Variants in USP38 observed in about 807,000 individuals in gnomAD.
USP38 encodes the protein ubiquitin carboxyl-terminal hydrolase 38.
Under a neutral mutation model 94.3 loss-of-function variants are expected in USP38, and 49 were observed. That is an observed-to-expected ratio of 0.52 (90% CI 0.41 to 0.66). The LOEUF (loss-of-function observed/expected upper bound fraction) is 0.66. Ranked by LOEUF, USP38 falls within the 30% of genes least tolerant of loss-of-function variation. The probability of loss-of-function intolerance (pLI) is 0.00; values close to 1 mark genes in which losing one functional copy is unlikely to be tolerated. For missense variants in USP38, 1,128 were observed against 1,229.4 expected, an observed-to-expected ratio of 0.92 and a Z score of 1.23; for synonymous variants, 468 against 463.6, an observed-to-expected ratio of 1.01 and a Z score of -0.12.
chr4:143,195,751 A>T lies in USP38; in HGVS notation c.854A>T (p.His285Leu). The T allele has an allele frequency of 6.2e-7, 1 of 1,612,344 alleles. No homozygotes were observed. Among genetic ancestry groups the T allele is most frequent in the South Asian group, 1.1e-5 (1 of 90,600 alleles). The stretch of plus-strand genomic sequence containing the variant: ...TGGCTATCCTGGCCATTGGCTCAGC[A>T]TGTGGATACATGGGTAATTGCACTC... The part of the protein sequence containing the change: ...IDWLSWPLAQ[H>L]VDTWVIALLK... Residue 285 changes from histidine (H) to leucine (L), a missense_variant, in exon 3 of 10, where the codon CAT (histidine) becomes CTT (leucine). Physicochemically the swap from His to Leu is moderately conservative, Grantham distance 99. Coordinates refer to ENST00000307017, the MANE Select transcript of USP38 (RefSeq NM_032557.6).
intron 4 of USP38, among the ~76,000 whole-genome samples, chr4:143,202,454 C>T (rs1411143131): frequency 6.6e-6 from 1 of 151,862 alleles, no homozygotes; most frequent in African/African-American, 2.4e-5. Flanking sequence ...GAGTTAGCAA[C>T]CCCAAAATGT....
intron 7 of USP38, 90 bp from the exon 8 acceptor site, chr4:143,212,228 C>A: frequency 1.0e-6 from 1 of 1,004,864 alleles, no homozygotes. Context: ...CTGTAAATAA[C>A]CTTTATTAAA....
chr4:143,206,100 C>G lies in USP38; in HGVS notation c.1277C>G (p.Ser426Cys). The change falls in exon 6 of 10, where the codon TCC becomes TGC. Residue 426 changes from serine to cysteine, a missense_variant. Physicochemically the swap from Ser to Cys is moderately radical, Grantham distance 112 (BLOSUM62 -1). Coordinates refer to ENST00000307017, the MANE Select transcript of USP38 (RefSeq NM_032557.6). ...ILNQSAWTSQ[S>C]NSLASCLSRL... ...AATCAAAGTGCCTGGACTTCTCAAT[C>G]CAATTCTTTGGCGTCTTGCTTGTCT... The G allele has an allele frequency of 6.2e-7, 1 of 1,613,692 alleles. No individual in the cohort carries two copies. The highest frequency in any genetic ancestry group is 8.5e-7 in the Non-Finnish European group (1 of 1,179,862).
chr4:143,223,184 T>G lies in USP38; in HGVS notation c.*2728T>G, dbSNP rs937849427. The G allele has an allele frequency of 5.3e-5, 8 of 152,114 alleles. No individual in the cohort carries two copies. The highest frequency in any genetic ancestry group is 1.9e-4 in the African/African-American group (8 of 41,456). 9.4% of individuals were successfully genotyped at this position (152,114 alleles called of 1,614,324 possible). A position where few individuals can be genotyped will look rare whatever the true frequency, so the allele number is the denominator to read the frequency against. ...GCCTGTGCAACTCTGATTTATGGCATTAACATATCAAATTGAAGGAAGGAT... is the reference window on the plus strand; with the variant it reads ...GCCTGTGCAACTCTGATTTATGGCAGTAACATATCAAATTGAAGGAAGGAT... On this transcript the variant is annotated 3_prime_UTR_variant, in exon 10 of 10. Transcript: ENST00000307017.
At chr4:143,207,596 TTATAA>T (rs1235267037) in intron 6 of USP38, among the ~76,000 whole-genome samples, 1 of 152,108 alleles carries the variant, frequency 6.6e-6, no homozygotes, top group East Asian at 1.9e-4. Flanking sequence ...GGGCTCCAGA[TTATAA>T]TATCAGCACT....
At chr4:143,211,136 A>G (rs775236588) in intron 7 of USP38, among the ~76,000 whole-genome samples, 4 of 152,102 alleles carry the variant, frequency 2.6e-5, no homozygotes, top group Non-Finnish European at 5.9e-5. Context: ...CAGAGCTATT[A>G]GGAAAAAAAA....
At chr4:143,219,131 GTTTTAAAAGTCCTAACA>G (rs1732258133) in intron 9 of USP38, among the ~76,000 whole-genome samples, 1 of 152,054 alleles carries the variant, frequency 6.6e-6, no homozygotes, top group South Asian at 2.1e-4. Flanking sequence ...TGCAAATTAA[GTTTTAAAAGTCCTAACA>G]GACTGGTTAG....
intron 3 of USP38, 21 bp from the exon 4 acceptor site, chr4:143,197,802 G>T: frequency 6.5e-7 from 1 of 1,538,336 alleles, no homozygotes; most frequent in Non-Finnish European, 9.0e-7. Flanking sequence ...TCTTAAGAAG[G>T]TGTCTTGTCT....
chr4:143,197,881 A>G lies in USP38; in HGVS notation c.1007A>G (p.His336Arg). Reference sequence around the variant, plus strand: ...CCTGGTGCTCTTGCAGTTCTTTCTCACATGCTGCTTAGCTTTCAGCATTCT... The same window carrying G: ...CCTGGTGCTCTTGCAGTTCTTTCTCGCATGCTGCTTAGCTTTCAGCATTCT... ...VRPGALAVLS[H>R]MLLSFQHSPE... The change falls in exon 4 of 10, where the codon CAC becomes CGC. Residue 336 changes from histidine to arginine, a missense_variant. Coordinates refer to ENST00000307017, the MANE Select transcript of USP38 (RefSeq NM_032557.6). 2.5e-6 allele frequency: 4 copies of G among 1,613,980 alleles called. No homozygotes were observed. The highest frequency in any genetic ancestry group is 3.4e-6 in the Non-Finnish European group (4 of 1,179,906).
At position 143,203,435 on chromosome 4, in the gene USP38, C is replaced by A. The variant is rs776743040; in HGVS notation, c.1078C>A (p.His360Asn). ...LIVPHVVNLVHSFKNDGLPSS... is the reference protein window; with the variant it reads ...LIVPHVVNLVNSFKNDGLPSS... The stretch of plus-strand genomic sequence containing the variant: ...TGTTCCTCATGTGGTTAATTTGGTT[C>A]ATTCTTTCAAAAATGATGGTCTGCC... Residue 360 changes from histidine (H) to asparagine (N), a missense_variant, in exon 5 of 10, where the codon CAT (histidine) becomes AAT (asparagine). Transcript: ENST00000307017. The A allele has an allele frequency of 1.9e-5, 30 of 1,611,718 alleles. No homozygotes were observed. The highest frequency in any genetic ancestry group is 3.3e-5 in the South Asian group (3 of 90,770).
intron 3 of USP38, 59 bp downstream of exon 3, chr4:143,195,904 TC>T: frequency 6.9e-7 from 1 of 1,458,034 alleles, no homozygotes; most frequent in Non-Finnish European, 9.2e-7. Flanking sequence ...AATATTTTTT[TC>T]TTTGGGTGGT....
intron 6 of USP38, among the ~76,000 whole-genome samples, chr4:143,206,524 T>C (rs889466375): frequency 1.3e-5 from 2 of 152,082 alleles, no homozygotes; most frequent in Non-Finnish European, 2.9e-5. Flanking sequence ...ATCCCATCAC[T>C]ACTAAAAATA....
At chr4:143,218,242 C>T (rs557189580) in intron 9 of USP38, among the ~76,000 whole-genome samples, 1 of 152,190 alleles carries the variant, frequency 6.6e-6, no homozygotes, top group South Asian at 2.1e-4. Flanking sequence ...TTAATGTCAA[C>T]AGTTTTACTT....
At chr4:143,204,293 T>A (rs772981738) in intron 5 of USP38, 51 of 401,520 alleles carry the variant, frequency 1.3e-4, no homozygotes, top group Non-Finnish European at 2.2e-4. Flanking sequence ...TTTTTAATTC[T>A]ATTTTTGCTG....
At position 143,223,659 on chromosome 4, in the gene USP38, A is replaced by G. The variant is rs756924055; in HGVS notation, c.*3203A>G. 6.6e-6 allele frequency: 1 copy of G among 152,068 alleles called. No individual in the cohort carries two copies. The highest frequency in any genetic ancestry group is 1.5e-5 in the Non-Finnish European group (1 of 67,974). 9.4% of individuals were successfully genotyped at this position (152,068 alleles called of 1,614,324 possible). ...GTTTGTCCAGTTACTGGAGATCTTCATTTTGATGCTTTGTACTTTGTTCCA... is the reference window on the plus strand; with the variant it reads ...GTTTGTCCAGTTACTGGAGATCTTCGTTTTGATGCTTTGTACTTTGTTCCA... On this transcript the variant is annotated 3_prime_UTR_variant, in exon 10 of 10. Transcript: ENST00000307017.
intron 2 of USP38, among the ~76,000 whole-genome samples, chr4:143,194,768 A>C (rs1731498432): frequency 6.6e-6 from 1 of 152,198 alleles, no homozygotes; most frequent in African/African-American, 2.4e-5. Context: ...TTGGCTTCCC[A>C]GAGTGCTGAG....
rs1732299805 is a variant in USP38, at chr4:143,220,587, C to T, written c.*131C>T. On this transcript the variant is annotated 3_prime_UTR_variant, in exon 10 of 10. Transcript: ENST00000307017. ...ATACTTCAAGAGAACACACTCAGTG[C>T]TTGTTTTTATTTTCTTGACACATTT... 2 of 904,116 alleles carry T rather than the reference C, an allele frequency of 2.2e-6. No individual in the cohort carries two copies. The highest frequency in any genetic ancestry group is 1.7e-5 in the African/African-American group (1 of 57,586). 56.0% of individuals were successfully genotyped at this position (904,116 alleles called of 1,614,324 possible).
In USP38 at chr4:143,197,415, A is replaced by G. The variant is rs554785470; in HGVS notation, c.949-408A>G. The stretch of plus-strand genomic sequence containing the variant: ...TTTTTATTGTTTCTACCTGCCCTCT[A>G]GATGGTAAACCCTGTAAGAGAGAGA... On this transcript the variant is annotated intron_variant, in intron 3 of 9. Transcript: ENST00000307017. Among the ~76,000 whole-genome samples the G allele has an allele frequency of 3.3e-5, 5 of 152,346 alleles. No individual in the cohort carries two copies. The East Asian group carries it at 5.8e-4, about 18-fold the overall frequency.
chr4:143,206,889 T>C (rs572762494), intron 6 of USP38, among the ~76,000 whole-genome samples: 112 of 152,312 alleles, frequency 7.4e-4, no homozygotes, highest in African/African-American at 2.5e-3. Flanking sequence ...TATTTTGGTA[T>C]TTGTCAGATC....
Sources: gnomAD v4.1 joint callset for allele counts (sites outside exome capture counted in the v4.1 genomes callset) on GRCh38, gnomAD v4.1.1 for gene constraint, MANE v1.5 for transcripts, NCBI Gene and HGNC (gene_info 2026-07-23, HGNC 2026-07-21) for gene names.